The following UGT1A8 variants were observed in gnomAD, a reference collection of about 807,000 sequenced individuals.
The protein encoded by UGT1A8 is UDP-glucuronosyltransferase 1A8.
UGT1A8 carries 39 observed loss-of-function variants against 45.3 expected under a neutral mutation model. The observed-to-expected ratio is 0.86, with a 90% CI of 0.67 to 1.12. The LOEUF is 1.12. Among genes scored for constraint, UGT1A8 ranks in the 50% most tolerant of loss-of-function variants. The pLI, the probability that UGT1A8 is intolerant of heterozygous loss-of-function variation, is 0.00. For missense variants in UGT1A8, 719 were observed against 664.9 expected (o/e 1.08, Z -0.90); for synonymous variants, 275 against 249.2 (o/e 1.10, Z -0.97).
At chr2:233,679,517 C>T (rs1008354483) in intron 1 of UGT1A8, among the ~76,000 whole-genome samples, 4 of 152,250 alleles carry the variant, frequency 2.6e-5, no homozygotes, top group Middle Eastern at 3.4e-3. Flanking sequence ...TGGTTTTCTT[C>T]CTTGCCAATA....
chr2:233,683,245 G>A (rs925181068), intron 1 of UGT1A8, among the ~76,000 whole-genome samples: 2 of 151,912 alleles, frequency 1.3e-5, no homozygotes, highest in Non-Finnish European at 2.9e-5. Flanking sequence ...TGCTGGCTAT[G>A]TTTTTTTATG....
At chr2:233,713,388 CATA>C (rs1316037917) in intron 1 of UGT1A8, 2 of 1,614,028 alleles carry the variant, frequency 1.2e-6, no homozygotes, top group Non-Finnish European at 1.7e-6. Flanking sequence ...GGAGCTACTG[CATA>C]ATGAGGCCCT....
chr2:233,618,758 G>A (rs1030166335), intron 1 of UGT1A8, among the ~76,000 whole-genome samples, 196 bp downstream of exon 1: 66 of 152,146 alleles, frequency 4.3e-4, no homozygotes, highest in African/African-American at 1.6e-3. Context: ...GAAGGTGTGT[G>A]TATATAATTT....
intron 1 of UGT1A8, among the ~76,000 whole-genome samples, chr2:233,664,926 T>G (rs1454084248): frequency 6.6e-6 from 1 of 152,230 alleles, no homozygotes; most frequent in Non-Finnish European, 1.5e-5. Flanking sequence ...CATATCCAAG[T>G]TGCATTTAAA....
In UGT1A8 at chr2:233,691,778, G is replaced by A. The variant is rs45618133; in HGVS notation, c.855+73216G>A. Reference sequence around the variant, plus strand: ...ACTCCTGCTCTAGGATTCTCACCACGTACTGGCTAGACTTATACTTCTCAA... The same window carrying A: ...ACTCCTGCTCTAGGATTCTCACCACATACTGGCTAGACTTATACTTCTCAA... On this transcript the variant is annotated intron_variant, in intron 1 of 4. Transcript: ENST00000373450. The A allele has an allele frequency of 2.0e-3, 606 of 303,788 alleles. 8 individuals carry two copies. Among genetic ancestry groups the A allele is most frequent in the African/African-American group, 0.013 (574 of 44,350 alleles). The allele number at this position is 303,788 out of a possible 1,614,324, so 18.8% of individuals were successfully genotyped here.
At chr2:233,715,540 G>A (rs552112034) in intron 1 of UGT1A8, among the ~76,000 whole-genome samples, 3 of 152,222 alleles carry the variant, frequency 2.0e-5, no homozygotes, top group South Asian at 4.2e-4. Flanking sequence ...GGGAGACCGA[G>A]GGAGGAGGAT....
chr2:233,755,023 AG>A (rs1475271740), intron 1 of UGT1A8: 1 of 1,305,718 alleles, frequency 7.7e-7, no homozygotes, highest in African/African-American at 1.5e-5. Context: ...GGGTCCTTGA[AG>A]GGCCTGCCGC....
chr2:233,668,404 C>T (rs1029637445), intron 1 of UGT1A8, among the ~76,000 whole-genome samples: 1 of 152,182 alleles, frequency 6.6e-6, no homozygotes, highest in Non-Finnish European at 1.5e-5. Flanking sequence ...TTTATGGCTG[C>T]ATAGTATTCC....
intron 1 of UGT1A8, among the ~76,000 whole-genome samples, chr2:233,724,119 G>A (rs1327289956): frequency 1.4e-4 from 15 of 110,060 alleles, no homozygotes; most frequent in South Asian, 3.2e-4. Context: ...GGGCAGAGGC[G>A]CCCCTCACCT....
At chr2:233,729,554 C>T in intron 1 of UGT1A8, 1 of 1,614,178 alleles carries the variant, frequency 6.2e-7, no homozygotes, top group Non-Finnish European at 8.5e-7. Flanking sequence ...CACCTGAATG[C>T]TACTTCCTTT....
In UGT1A8 at chr2:233,743,160, T is replaced by C. The variant is rs191127881; in HGVS notation, c.856-23874T>C. On this transcript the variant is annotated intron_variant, in intron 1 of 4. Coordinates refer to ENST00000373450, the MANE Select transcript of UGT1A8 (RefSeq NM_019076.5). ...AAAAAAAGTCCGCTATTCCTCCAGA[T>C]GTGCTTAAAGTCAAATGTGGACTGG... The C allele has an allele frequency of 3.8e-4, 139 of 361,394 alleles. 1 individual carries two copies. Among genetic ancestry groups the C allele is most frequent in the Middle Eastern group, 7.9e-4 (2 of 2,540 alleles). 22.4% of individuals were successfully genotyped at this position (361,394 alleles called of 1,614,324 possible). A position where few individuals can be genotyped will look rare whatever the true frequency, so the allele number is the denominator to read the frequency against.
chr2:233,721,912 C>T (rs2125685075), intron 1 of UGT1A8: 6 of 427,588 alleles, frequency 1.4e-5, no homozygotes, highest in Middle Eastern at 5.8e-4. Context: ...GTGCACACTG[C>T]TTCCATAAAG....
intron 4 of UGT1A8, chr2:233,770,929 T>C (rs1212453952): frequency 6.6e-6 from 1 of 152,194 alleles, no homozygotes; most frequent in African/African-American, 2.4e-5. Context: ...CTGACATCAC[T>C]TGGCTGCCGG....
chr2:233,681,831 A>G, intron 1 of UGT1A8: 1 of 1,505,206 alleles, frequency 6.6e-7, no homozygotes, highest in Non-Finnish European at 8.9e-7. Context: ...AAATGAATGA[A>G]TAAGTACACG....
intron 1 of UGT1A8, among the ~76,000 whole-genome samples, chr2:233,749,973 G>A (rs1482988958): frequency 6.6e-6 from 1 of 151,850 alleles, no homozygotes; most frequent in Non-Finnish European, 1.5e-5. Flanking sequence ...CTTTATAGCA[G>A]TGTGAGAATG....
At chr2:233,735,728 T>G (rs1486359906) in intron 1 of UGT1A8, among the ~76,000 whole-genome samples, 42 of 152,184 alleles carry the variant, frequency 2.8e-4, no homozygotes, top group Admixed American at 2.7e-3. Context: ...CTCTCAGCAT[T>G]TGCTTGTCTA....
At chr2:233,673,162 A>G (rs924288300) in intron 1 of UGT1A8, among the ~76,000 whole-genome samples, 6 of 152,208 alleles carry the variant, frequency 3.9e-5, no homozygotes, top group African/African-American at 9.6e-5. Flanking sequence ...TTAAAAAAGT[A>G]CTTTAGGTAT....
At chr2:233,719,184 T>C in intron 1 of UGT1A8, 1 of 1,614,254 alleles carries the variant, frequency 6.2e-7, no homozygotes, top group Non-Finnish European at 8.5e-7. Flanking sequence ...CAATGTATCT[T>C]TGGCCCTTCA....
chr2:233,729,658 T>C (rs375249430), intron 1 of UGT1A8: 278 of 1,613,792 alleles, frequency 1.7e-4, no homozygotes, highest in Non-Finnish European at 2.3e-4. Flanking sequence ...GAACATTCCA[T>C]GTGATTTAGA....
Sources: gnomAD v4.1 joint callset for allele counts (sites outside exome capture counted in the v4.1 genomes callset) on GRCh38, gnomAD v4.1.1 for gene constraint, MANE v1.5 for transcripts, NCBI Gene and HGNC (gene_info 2026-07-23, HGNC 2026-07-21) for gene names.